SEMA4G: variants seen among roughly 807,000 people sequenced by gnomAD.
The protein encoded by SEMA4G is semaphorin 4G.
In SEMA4G, 59 loss-of-function variants were observed where a neutral mutation model predicts 81.2. That is an observed-to-expected ratio of 0.73 (90% confidence interval 0.59 to 0.90). SEMA4G has a LOEUF of 0.90. Among genes scored for constraint, SEMA4G ranks in the 40% least tolerant of loss-of-function variants. The probability of loss-of-function intolerance (pLI) is 0.00; values close to 1 mark genes in which losing one functional copy is unlikely to be tolerated. For missense variants in SEMA4G, 952 were observed against 1,102.3 expected, an observed-to-expected ratio of 0.86 and a Z score of 1.93; for synonymous variants, 404 against 433.9, an observed-to-expected ratio of 0.93 and a Z score of 0.86.
At chr10:100,977,549 A>G (rs1850854704) in intron 3 of SEMA4G, 83 bp from the exon 5 acceptor site, 1 of 1,078,796 alleles carries the variant, frequency 9.3e-7, no homozygotes, top group Non-Finnish European at 1.4e-6. Flanking sequence ...GGTGGGGGCA[A>G]GAGCCAAACT....
exon 12 of SEMA4G, chr10:100,980,960 G>T: frequency 6.2e-7 from 1 of 1,605,888 alleles, no homozygotes. Context: ...TGCCTGCGCA[G>T]CAGCCACCAC....
chr10:100,984,329 C>T (rs1193893340), exon 14 of SEMA4G: 5 of 1,437,374 alleles, frequency 3.5e-6, no homozygotes, highest in African/African-American at 1.4e-5. Flanking sequence ...CACATGTGAG[C>T]AGCCCAGGCC....
downstream of SEMA4G, chr10:100,984,955 A>C: frequency 7.1e-7 from 1 of 1,415,248 alleles, no homozygotes. Context: ...CCTGTATCAC[A>C]CATGTGCTTA....
In SEMA4G at chr10:100,977,613, T is replaced by C. The variant is rs1203463566; in HGVS notation, c.337-19T>C. On this transcript the variant is annotated intron_variant, in intron 3 of 13. Coordinates refer to ENST00000370250, the Ensembl canonical transcript of SEMA4G. ...TAGTCAGGCAGGGGGCTCACAGCCCTCTCCACCTCATCCCACAGACGGAGT... is the reference window on the plus strand; with the variant it reads ...TAGTCAGGCAGGGGGCTCACAGCCCCCTCCACCTCATCCCACAGACGGAGT... 2 of 1,607,820 alleles carry C rather than the reference T, an allele frequency of 1.2e-6. No homozygotes were observed. The highest frequency in any genetic ancestry group is 1.1e-5 in the South Asian group (1 of 90,990).
Position 100,974,412 on chromosome 10 carries a change from A to C in SEMA4G, c.336+803A>C, listed in dbSNP as rs78376647. Among the ~76,000 whole-genome samples the C allele has an allele frequency of 5.8e-3, 876 of 152,224 alleles. 12 individuals are homozygous for C. The highest frequency in any genetic ancestry group is 0.02 in the African/African-American group (820 of 41,546). ...CTGGGAGGTTGAGGCTGCGTGAGCT[A>C]TAATTAAGCCACACATTCCAGCCTG... On this transcript the variant is annotated intron_variant, in intron 3 of 13. Transcript: ENST00000370250.
chr10:100,973,019 T>C lies in SEMA4G; in HGVS notation c.107T>C (p.Met36Thr). 1.2e-6 allele frequency: 2 copies of C among 1,614,072 alleles called. No individual in the cohort carries two copies. Among genetic ancestry groups the C allele is most frequent in the East Asian group, 2.2e-5 (1 of 44,870 alleles). The change falls in exon 1 of 14, where the codon ATG becomes ACG. Residue 36 changes from methionine (M) to threonine (T), a missense_variant. Met to Thr is a moderately conservative substitution (Grantham distance 81, BLOSUM62 -1). Coordinates refer to ENST00000370250, the Ensembl canonical transcript of SEMA4G. The surrounding 1 kb of genome is among the most constrained non-coding windows in gnomAD (Gnocchi z 5.5). ...AGAGAACTAGATGCCACCCCTCGGATGACCATACCCTATGAAGGTTAGACC... is the reference window on the plus strand; with the variant it reads ...AGAGAACTAGATGCCACCCCTCGGACGACCATACCCTATGAAGGTTAGACC...
chr10:100,976,646 C>A (rs1019561971), intron 3 of SEMA4G, among the ~76,000 whole-genome samples: 2 of 152,046 alleles, frequency 1.3e-5, no homozygotes, highest in Non-Finnish European at 2.9e-5. Flanking sequence ...TTAGAATATC[C>A]CTTGGAAAGT....
At chr10:100,984,798 G>A (rs1851347910) in exon 14 of SEMA4G, 1 of 1,535,360 alleles carries the variant, frequency 6.5e-7, no homozygotes, top group Non-Finnish European at 8.7e-7. Flanking sequence ...GGGCCAGCCT[G>A]GGGAGGTAAG....
Position 100,973,719 on chromosome 10 carries a change from C to T in SEMA4G, c.336+110C>T. On this transcript the variant is annotated intron_variant, in intron 3 of 13. Transcript: ENST00000370250. This position sits in a 1 kb window ranked among gnomAD's most constrained non-coding sequence, Gnocchi z 5.5. Reference sequence around the variant, plus strand: ...TAGGTACAGACCTGCCAGTCAATCTCAGCAACCACAGTAAACATTGTAAGT... The same window carrying T: ...TAGGTACAGACCTGCCAGTCAATCTTAGCAACCACAGTAAACATTGTAAGT... The T allele has an allele frequency of 4.4e-6, 4 of 907,064 alleles. No homozygotes were observed. The highest frequency in any genetic ancestry group is 6.9e-6 in the Non-Finnish European group (4 of 582,474). 56.2% of individuals were successfully genotyped at this position (907,064 alleles called of 1,614,324 possible). A position where few individuals can be genotyped will look rare whatever the true frequency, so the allele number is the denominator to read the frequency against.
chr10:100,984,762 G>A (rs1398820091), exon 14 of SEMA4G: 4 of 1,536,048 alleles, frequency 2.6e-6, no homozygotes, highest in Non-Finnish European at 3.5e-6. Context: ...CCCATGTGGT[G>A]ACCTCTTTGT....
At chr10:100,970,545 C>CCACA (rs35324166), upstream of SEMA4G, among the ~76,000 whole-genome samples, 117 of 149,530 alleles carry the variant, frequency 7.8e-4, 2 homozygotes, top group Non-Finnish European at 1.2e-3. Flanking sequence ...TCCCCCATCA[C>CCACA]CACACACACA....
At chr10:100,982,150 C>G (rs1258529993) in intron 13 of SEMA4G, among the ~76,000 whole-genome samples, 1 of 151,564 alleles carries the variant, frequency 6.6e-6, no homozygotes, top group East Asian at 1.9e-4. Flanking sequence ...CTATACTATG[C>G]TATCTCCCAC....
At chr10:100,969,827 C>T, upstream of SEMA4G, 1 of 451,770 alleles carries the variant, frequency 2.2e-6, no homozygotes, top group South Asian at 1.6e-5. Flanking sequence ...GAGGGGGCCG[C>T]GTGGCGAACA....
chr10:100,980,497 G>C, intron 10 of SEMA4G, 81 bp from the exon 12 acceptor site: 1 of 1,400,536 alleles, frequency 7.1e-7, no homozygotes, highest in Non-Finnish European at 1.0e-6. Flanking sequence ...GGACTCCTGA[G>C]CTGTTCGTAT....
chr10:100,977,835 G>A (rs1850867643), intron 4 of SEMA4G, 105 bp downstream of exon 5: 1 of 976,424 alleles, frequency 1.0e-6, no homozygotes, highest in Non-Finnish European at 1.6e-6. Flanking sequence ...GAGACGGATG[G>A]TTTATTAAGG....
exon 14 of SEMA4G, chr10:100,983,306 G>GCCA (rs145835827): frequency 9.8e-6 from 15 of 1,532,540 alleles, no homozygotes; most frequent in African/African-American, 1.4e-5. Flanking sequence ...ACCCCACAGG[G>GCCA]CCACCACCAC....
At chr10:100,983,737 G>A (rs41291464) in exon 14 of SEMA4G, 46,465 of 1,613,010 alleles carry the variant, frequency 0.029, 759 homozygotes, top group Non-Finnish European at 0.035. Flanking sequence ...AGACGAGGGC[G>A]CCGACGGAAA....
At chr10:100,978,473 A>T in intron 5 of SEMA4G, 54 bp from the exon 7 acceptor site, 7 of 1,598,142 alleles carry the variant, frequency 4.4e-6, no homozygotes, top group Non-Finnish European at 6.0e-6. Flanking sequence ...TGTATATGTC[A>T]TGTGCCCTGT....
chr10:100,973,425 G>C lies in SEMA4G; in HGVS notation c.274-122G>C. 1 of 1,394,982 alleles carries C rather than the reference G, an allele frequency of 7.2e-7. No homozygotes were observed. Among genetic ancestry groups the C allele is most frequent in the Non-Finnish European group, 9.9e-7 (1 of 1,005,864 alleles). 86.4% of individuals were successfully genotyped at this position (1,394,982 alleles called of 1,614,324 possible). On this transcript the variant is annotated intron_variant, in intron 2 of 13. Coordinates refer to ENST00000370250, the Ensembl canonical transcript of SEMA4G. This position sits in a 1 kb window ranked among gnomAD's most constrained non-coding sequence, Gnocchi z 5.5. ...CCAGCCCAGGTGTTCCTTGCATTCA[G>C]TGTTCCTCCTGAAATTGATCCCCAC... is the stretch of plus-strand genomic sequence containing the variant.
Sources: gnomAD v4.1 joint callset for allele counts (sites outside exome capture counted in the v4.1 genomes callset) on GRCh38, gnomAD v4.1.1 for gene constraint, Gnocchi (gnomAD v3.1) non-coding constraint, MANE v1.5 for transcripts, NCBI Gene and HGNC (gene_info 2026-07-23, HGNC 2026-07-21) for gene names.